SLC22A13: variants seen among roughly 807,000 people sequenced by gnomAD.
SLC22A13 encodes organic anion transporter 10.
SLC22A13 carries 42 observed loss-of-function variants against 49.1 expected under a neutral mutation model. The ratio of observed to expected loss-of-function variants is 0.85; its 90% CI spans 0.67 to 1.11. The LOEUF (loss-of-function observed/expected upper bound fraction) is 1.11. Ranked by LOEUF, SLC22A13 falls within the 50% of genes least tolerant of loss-of-function variation. SLC22A13 has a pLI of 0.00. For synonymous variants in SLC22A13, 282 were observed against 293.1 expected (o/e 0.96, Z 0.39); for missense variants, 694 against 712.8 (o/e 0.97, Z 0.30).
At position 38,278,483 on chromosome 3, in the gene SLC22A13, T is replaced by C. The variant is rs1437480100; in HGVS notation, c.*1018T>C. Among the ~76,000 whole-genome samples the C allele has an allele frequency of 1.3e-5, 2 of 152,028 alleles. No homozygotes were observed. The highest frequency in any genetic ancestry group is 2.9e-5 in the Non-Finnish European group (2 of 68,016). On this transcript the variant is annotated 3_prime_UTR_variant, in exon 10 of 10. Transcript: ENST00000311856. ...CTTCTCCAGCCCCACCCAGCATTGCTCCTACAACCTGTCCTACAGCTGGCA... is the reference window on the plus strand; with the variant it reads ...CTTCTCCAGCCCCACCCAGCATTGCCCCTACAACCTGTCCTACAGCTGGCA...
chr3:38,273,366 C>A (rs78746291), intron 1 of SLC22A13, among the ~76,000 whole-genome samples: 1 of 152,142 alleles, frequency 6.6e-6, no homozygotes, highest in Non-Finnish European at 1.5e-5. Context: ...TGTCACACAC[C>A]TGCACATTCT....
At chr3:38,276,763 G>A in intron 8 of SLC22A13, 149 bp from the exon 9 acceptor site, 1 of 686,000 alleles carries the variant, frequency 1.5e-6, no homozygotes. Context: ...GGAGGCAGGA[G>A]CAGAGAGCAG....
At position 38,277,374 on chromosome 3, in the gene SLC22A13, C is replaced by G. The variant is rs149788845; in HGVS notation, c.1565C>G (p.Ser522Cys). 6.2e-7 allele frequency: 1 copy of G among 1,612,700 alleles called. No individual in the cohort carries two copies. Among genetic ancestry groups the G allele is most frequent in the Non-Finnish European group, 8.5e-7 (1 of 1,178,936 alleles). Reference sequence around the variant, plus strand: ...TGACAGCCTTCTGCTCCCTCTAGGTCCCCCAAATCAGTGCCCTCAGAGAAG... The same window carrying G: ...TGACAGCCTTCTGCTCCCTCTAGGTGCCCCAAATCAGTGCCCTCAGAGAAG... ...QDLELGPHPR[S>C]PKSVPSEKET... The change falls in exon 10 of 10, where the codon TCC (serine) becomes TGC (cysteine). Residue 522 changes from serine to cysteine, a missense_variant and splice_region_variant. Ser to Cys is a moderately radical substitution (Grantham distance 112). Coordinates refer to ENST00000311856, the MANE Select transcript of SLC22A13 (RefSeq NM_004256.4).
At position 38,277,133 on chromosome 3, in the gene SLC22A13, C is replaced by A; in HGVS notation, c.1562+6C>A. ...GAGCTGGGGCCTCACCCACGGTGAG[C>A]TGCTTGCTTGCACTGAAACCACGAC... On this transcript the variant is annotated splice_donor_region_variant and intron_variant, in intron 9 of 9. Coordinates refer to ENST00000311856, the MANE Select transcript of SLC22A13 (RefSeq NM_004256.4). 6.4e-7 allele frequency: 1 copy of A among 1,550,962 alleles called. No individual in the cohort carries two copies. Among genetic ancestry groups the A allele is most frequent in the Non-Finnish European group, 8.7e-7 (1 of 1,145,856 alleles).
At position 38,265,918 on chromosome 3, in the gene SLC22A13, C is replaced by G. The variant is rs775034892; in HGVS notation, c.58C>G (p.Gln20Glu). 1 of 1,614,132 alleles carries G rather than the reference C, an allele frequency of 6.2e-7. No homozygotes were observed. The highest frequency in any genetic ancestry group is 8.5e-7 in the Non-Finnish European group (1 of 1,179,970). ...AGGTGACTTTGGTCGCTTCCAGATA[C>G]AGCTATTGATCCTGCTGTGTGTTCT... ...EIGDFGRFQIQLLILLCVLNF... is the reference protein window; with the variant it reads ...EIGDFGRFQIELLILLCVLNF... The change falls in exon 1 of 10, where the codon CAG (glutamine) becomes GAG (glutamate). Residue 20 changes from glutamine to glutamate, a missense_variant. By Grantham distance (29) the Gln-to-Glu change is conservative. Coordinates refer to ENST00000311856, the MANE Select transcript of SLC22A13 (RefSeq NM_004256.4).
chr3:38,273,114 C>T (rs779869063), intron 1 of SLC22A13, among the ~76,000 whole-genome samples: 15 of 152,214 alleles, frequency 9.9e-5, no homozygotes, highest in East Asian at 3.8e-4. Flanking sequence ...GCTCACATGA[C>T]GGTTCCCCAA....
chr3:38,275,749 T>C, intron 6 of SLC22A13, 77 bp downstream of exon 6: 1 of 1,505,722 alleles, frequency 6.6e-7, no homozygotes, highest in South Asian at 1.2e-5. Flanking sequence ...GGTGGGCTGG[T>C]GGCTGTTTGG....
rs755233034 is a variant in SLC22A13 at position 38,277,705 on chromosome 3, A to G, written c.*240A>G. ...TCATCTCCAGAGCCCTGCCCCCAATACTCTGTCTGGGTTAGGATCTTGGGT... is the reference window on the plus strand; with the variant it reads ...TCATCTCCAGAGCCCTGCCCCCAATGCTCTGTCTGGGTTAGGATCTTGGGT... On this transcript the variant is annotated 3_prime_UTR_variant, in exon 10 of 10. Transcript: ENST00000311856. 3 of 428,382 alleles carry G rather than the reference A, an allele frequency of 7.0e-6. No homozygotes were observed. Among genetic ancestry groups the G allele is most frequent in the Non-Finnish European group, 1.3e-5 (3 of 236,962 alleles). The allele number at this position is 428,382 out of a possible 1,614,324, so 26.5% of individuals were successfully genotyped here.
Position 38,275,506 on chromosome 3 carries a change from C to A in SLC22A13, c.927+16C>A. ...CATGAACCAGGTACTTCCAGCAGGC[C>A]CAGGCCCAGGCCCAGAATCAGACCC... On this transcript the variant is annotated intron_variant, in intron 5 of 9. Coordinates refer to ENST00000311856, the MANE Select transcript of SLC22A13 (RefSeq NM_004256.4). The A allele has an allele frequency of 6.2e-7, 1 of 1,614,008 alleles. No individual in the cohort carries two copies. The highest frequency in any genetic ancestry group is 8.5e-7 in the Non-Finnish European group (1 of 1,179,866).
rs528548840 is a variant in SLC22A13, at chr3:38,275,143, C to T, written c.792C>T (p.Leu264=). 18 of 1,614,178 alleles carry T rather than the reference C, an allele frequency of 1.1e-5. No individual in the cohort carries two copies. In the South Asian group the frequency reaches 1.5e-4, roughly 14 times the overall value. ...CCGGCACTGCGCCTGGCTTACTGCT[C>T]TTCTTCTACTTCTGGTGAGGAAAAT... ...QITGTAPGLL[L]FFYFWALPES... is the part of the protein sequence containing the mutation. Residue 264 remains leucine (L), a synonymous_variant, in exon 4 of 10, where the codon CTC becomes CTT. Coordinates refer to ENST00000311856, the MANE Select transcript of SLC22A13 (RefSeq NM_004256.4).
rs1184146108 is a variant in SLC22A13, at chr3:38,275,933, C to T, written c.1074C>T (p.Phe358=). 21 of 1,614,082 alleles carry T rather than the reference C, an allele frequency of 1.3e-5. No homozygotes were observed. Among genetic ancestry groups the T allele is most frequent in the South Asian group, 5.5e-5 (5 of 91,086 alleles). The change falls in exon 7 of 10, where the codon TTC becomes TTT. Residue 358 remains phenylalanine (F), a synonymous_variant. Coordinates refer to ENST00000311856, the MANE Select transcript of SLC22A13 (RefSeq NM_004256.4). ...YYGLSLQVGD[F]GLDVYLTQLI... is the part of the protein sequence containing the mutation. ...GCCTGAGCCTCCAAGTGGGGGACTTCGGCCTGGACGTCTATCTGACGCAGC... is the reference window on the plus strand; with the variant it reads ...GCCTGAGCCTCCAAGTGGGGGACTTTGGCCTGGACGTCTATCTGACGCAGC...
intron 1 of SLC22A13, 89 bp downstream of exon 1, chr3:38,266,327 A>G: frequency 1.4e-6 from 2 of 1,446,024 alleles, no homozygotes; most frequent in Non-Finnish European, 1.9e-6. Context: ...CTGGCTCTGT[A>G]TCTGCCCCAT....
Position 38,276,097 on chromosome 3 carries a change from G to T in SLC22A13, c.1237+1G>T, listed in dbSNP as rs751625370. On this transcript the variant is annotated splice_donor_variant, in intron 7 of 9. Coordinates refer to ENST00000311856, the MANE Select transcript of SLC22A13 (RefSeq NM_004256.4). LOFTEE classifies it high-confidence loss of function. ...ATCATCATCATCTTCATCCCAGCAG[G>T]TATCAGGGCTGGCTATCCCTCACCC... The T allele has an allele frequency of 6.2e-6, 10 of 1,612,058 alleles. No homozygotes were observed. Among genetic ancestry groups the T allele is most frequent in the Non-Finnish European group, 6.8e-6 (8 of 1,178,824 alleles).
intron 1 of SLC22A13, among the ~76,000 whole-genome samples, chr3:38,272,537 ATTATTAGTTATT>A: frequency 6.6e-6 from 1 of 152,326 alleles, no homozygotes; most frequent in African/African-American, 2.4e-5. Context: ...GTAGGCCTTT[ATTATTAGTTATT>A]TTAAATGCCA....
chr3:38,273,168 C>T (rs1559537142), intron 1 of SLC22A13, among the ~76,000 whole-genome samples: 1 of 152,104 alleles, frequency 6.6e-6, no homozygotes, highest in Admixed American at 6.5e-5. Flanking sequence ...AGAGGCATGG[C>T]GGGACTCCCT....
At chr3:38,273,408 C>T (rs1397931095) in intron 1 of SLC22A13, among the ~76,000 whole-genome samples, 2 of 152,000 alleles carry the variant, frequency 1.3e-5, no homozygotes, top group African/African-American at 2.4e-5. Flanking sequence ...TCTGTGTGTG[C>T]GTGTGTACGT....
chr3:38,274,924 C>T, intron 3 of SLC22A13, 65 bp from the exon 4 acceptor site: 1 of 1,586,986 alleles, frequency 6.3e-7, no homozygotes, highest in South Asian at 1.1e-5. Context: ...CACAGGGTGG[C>T]ATCTAGGAGT....
rs769594207 is a variant in SLC22A13, at chr3:38,274,742, C to T, written c.621C>T (p.Phe207=). The change falls in exon 3 of 10, where the codon TTC becomes TTT. Residue 207 remains phenylalanine (F), a synonymous_variant. Transcript: ENST00000311856. The stretch of plus-strand genomic sequence containing the variant: ...CTACTGCCGTCGCTGGACTTAGCTT[C>T]AGCAATGTCACCCTACGTGAGTGTC... The part of the protein sequence containing the change: ...AVATAVAGLS[F]SNVTLLTEWV... 1.2e-6 allele frequency: 2 copies of T among 1,613,952 alleles called. No homozygotes were observed. Among genetic ancestry groups the T allele is most frequent in the South Asian group, 2.2e-5 (2 of 91,050 alleles).
chr3:38,265,966 T>C lies in SLC22A13; in HGVS notation c.106T>C (p.Phe36Leu). ...TCTCAACTTCCTGTCTCCCTTCTAC[T>C]TTTTTGCCCATGTCTTCATGGTCCT... ...CVLNFLSPFY[F>L]FAHVFMVLDE... Residue 36 changes from phenylalanine to leucine, a missense_variant, in exon 1 of 10, where the codon TTT becomes CTT. Coordinates refer to ENST00000311856, the MANE Select transcript of SLC22A13 (RefSeq NM_004256.4). 6.2e-7 allele frequency: 1 copy of C among 1,614,182 alleles called. No homozygotes were observed. Among genetic ancestry groups the C allele is most frequent in the Non-Finnish European group, 8.5e-7 (1 of 1,180,028 alleles).
Sources: gnomAD v4.1 joint callset for allele counts (sites outside exome capture counted in the v4.1 genomes callset) on GRCh38, gnomAD v4.1.1 for gene constraint, MANE v1.5 for transcripts, NCBI Gene and HGNC (gene_info 2026-07-23, HGNC 2026-07-21) for gene names.